The following RAP2A variants were observed in gnomAD, a reference collection of about 807,000 sequenced individuals.
RAP2A encodes ras-related protein Rap-2a.
Under a neutral mutation model 15.1 loss-of-function variants are expected in RAP2A, and 5 were observed. The observed-to-expected ratio is 0.33, with a 90% CI of 0.17 to 0.70. The LOEUF is 0.70. Ranked by LOEUF, RAP2A falls within the 30% of genes least tolerant of loss-of-function variation. RAP2A has a pLI of 0.68. For synonymous variants in RAP2A, 110 were observed against 99.7 expected (o/e 1.10, Z -0.62); for missense variants, 111 against 240.3 (o/e 0.46, Z 3.56).
chr13:97,445,133 T>G (rs1166716637), intron 1 of RAP2A, among the ~76,000 whole-genome samples: 7 of 152,200 alleles, frequency 4.6e-5, no homozygotes, highest in Non-Finnish European at 8.8e-5. Context: ...CTCTTCATTC[T>G]ATCACATTGG....
At chr13:97,452,163 G>T (rs1421066254) in intron 1 of RAP2A, among the ~76,000 whole-genome samples, 1 of 150,830 alleles carries the variant, frequency 6.6e-6, no homozygotes, top group Non-Finnish European at 1.5e-5. Context: ...TCTTTTTATG[G>T]TTAGTTCCTT....
chr13:97,436,506 A>C (rs1163293551), intron 1 of RAP2A, among the ~76,000 whole-genome samples: 1 of 152,218 alleles, frequency 6.6e-6, no homozygotes, highest in East Asian at 1.9e-4. Context: ...ATGAAGATGC[A>C]CATATACACT....
At chr13:97,444,298 CAT>C (rs1296368659) in intron 1 of RAP2A, among the ~76,000 whole-genome samples, 1 of 152,120 alleles carries the variant, frequency 6.6e-6, no homozygotes, top group African/African-American at 2.4e-5. Flanking sequence ...TTTTAGTACA[CAT>C]ATTTTAAATA....
intron 1 of RAP2A, among the ~76,000 whole-genome samples, chr13:97,439,034 C>T (rs1490797891): frequency 1.3e-5 from 2 of 152,004 alleles, no homozygotes; most frequent in African/African-American, 2.4e-5. Context: ...GTGTTTAATA[C>T]GAACCTCAAA....
chr13:97,448,965 A>G (rs1216260578), intron 1 of RAP2A, among the ~76,000 whole-genome samples: 2 of 152,120 alleles, frequency 1.3e-5, no homozygotes, highest in African/African-American at 4.8e-5. Context: ...GTGAGCCATC[A>G]TGCCAGCACA....
chr13:97,434,393 G>A lies in RAP2A; in HGVS notation c.-78G>A. On this transcript the variant is annotated 5_prime_UTR_variant, in exon 1 of 2. Coordinates refer to ENST00000245304, the MANE Select transcript of RAP2A (RefSeq NM_021033.7). ...GGAGGCGGCGGGGCGGGCCGCCGGG[G>A]CCGGGGCTGGGGGCGCAGCGCGGCC... 9.6e-7 allele frequency: 1 copy of A among 1,044,304 alleles called. No individual in the cohort carries two copies. The allele number at this position is 1,044,304 out of a possible 1,614,324, so 64.7% of individuals were successfully genotyped here. A position where few individuals can be genotyped will look rare whatever the true frequency, so the allele number is the denominator to read the frequency against.
At chr13:97,460,275 C>T (rs1263676153) in intron 1 of RAP2A, among the ~76,000 whole-genome samples, 1 of 152,166 alleles carries the variant, frequency 6.6e-6, no homozygotes. Flanking sequence ...GCCTGTTGGA[C>T]GTTATTCTTA....
intron 1 of RAP2A, among the ~76,000 whole-genome samples, chr13:97,443,643 C>G (rs1243354104): frequency 6.6e-6 from 1 of 152,244 alleles, no homozygotes; most frequent in Admixed American, 6.5e-5. Context: ...CCGACTACCT[C>G]AACTGCCCAA....
intron 1 of RAP2A, among the ~76,000 whole-genome samples, chr13:97,449,886 G>A (rs1467063066): frequency 6.6e-6 from 1 of 151,766 alleles, no homozygotes; most frequent in Non-Finnish European, 1.5e-5. Flanking sequence ...TTTATTGCTG[G>A]GCAGAAGAAA....
Position 97,467,326 on chromosome 13 carries a change from T to C in RAP2A, c.*2884T>C, listed in dbSNP as rs985471052. The stretch of plus-strand genomic sequence containing the variant: ...TTACATAAAATATTTTCTTAAACTA[T>C]TGAAAGGTGCTTTGATGATTTTCTC... On this transcript the variant is annotated 3_prime_UTR_variant, in exon 2 of 2. Transcript: ENST00000245304. 2 of 152,608 alleles carry C rather than the reference T, an allele frequency of 1.3e-5. No homozygotes were observed. The highest frequency in any genetic ancestry group is 6.5e-5 in the Admixed American group (1 of 15,284). 9.5% of individuals were successfully genotyped at this position (152,608 alleles called of 1,614,324 possible).
intron 1 of RAP2A, among the ~76,000 whole-genome samples, chr13:97,436,877 G>A (rs2066636426): frequency 6.6e-6 from 1 of 152,156 alleles, no homozygotes; most frequent in Middle Eastern, 3.2e-3. Flanking sequence ...CCTCACTTGT[G>A]TGTCTTTGTA....
chr13:97,445,616 G>A (rs2066676310), intron 1 of RAP2A, among the ~76,000 whole-genome samples: 1 of 152,110 alleles, frequency 6.6e-6, no homozygotes, highest in African/African-American at 2.4e-5. Flanking sequence ...AACTAGTTTT[G>A]GAGTGCTGTT....
rs1416463243 is a variant in RAP2A at position 97,468,002 on chromosome 13, G to A, written c.*3560G>A. 6.6e-6 allele frequency: 1 copy of A among 152,064 alleles called. No homozygotes were observed. The highest frequency in any genetic ancestry group is 1.9e-4 in the East Asian group (1 of 5,194). The allele number at this position is 152,064 out of a possible 1,614,324, so 9.4% of individuals were successfully genotyped here. ...ATTTATTTAATGAAACTCTGGATTT[G>A]CTTTGTTTTGTACATGCTCATGAGA... On this transcript the variant is annotated 3_prime_UTR_variant, in exon 2 of 2. Transcript: ENST00000245304.
intron 1 of RAP2A, among the ~76,000 whole-genome samples, chr13:97,452,668 ACAAC>A (rs2066707527): frequency 1.3e-5 from 2 of 148,656 alleles, no homozygotes; most frequent in African/African-American, 4.9e-5. Flanking sequence ...ACACACACAC[ACAAC>A]CAACGGAACC....
chr13:97,437,679 G>A (rs1053826514), intron 1 of RAP2A: 1 of 152,164 alleles, frequency 6.6e-6, no homozygotes, highest in African/African-American at 2.4e-5. Flanking sequence ...AAAAAGCAAT[G>A]AGGTTAAAAT....
rs140667614 is a variant in RAP2A, at chr13:97,434,844, G to T, written c.314+60G>T. 3.0e-4 allele frequency: 468 copies of T among 1,585,430 alleles called. 1 individual carries two copies. In the African/African-American group the frequency reaches 5.6e-3, roughly 19 times the overall value. ...CCCCGGAGTCACCGTCCCGGGGCTG[G>T]AACTCCCCGCGCGGGGCTCCGGGGA... On this transcript the variant is annotated intron_variant, in intron 1 of 1. Coordinates refer to ENST00000245304, the MANE Select transcript of RAP2A (RefSeq NM_021033.7).
At chr13:97,449,965 GT>G (rs897670375) in intron 1 of RAP2A, among the ~76,000 whole-genome samples, 2,766 of 144,200 alleles carry the variant, frequency 0.019, 61 homozygotes, top group African/African-American at 0.062. Flanking sequence ...AGTGTTTGGG[GT>G]TTTTTTTTTT....
rs767415353 is a variant in RAP2A, at chr13:97,466,476, A to G, written c.*2034A>G. The G allele has an allele frequency of 2.0e-5, 3 of 152,242 alleles. No homozygotes were observed. Among genetic ancestry groups the G allele is most frequent in the Non-Finnish European group, 4.4e-5 (3 of 68,038 alleles). 9.4% of individuals were successfully genotyped at this position (152,242 alleles called of 1,614,324 possible). A position where few individuals can be genotyped will look rare whatever the true frequency, so the allele number is the denominator to read the frequency against. ...TAGATTCAAGATATATGATTTCTCT[A>G]TGGAAATAAAAATATTTGTTAGTGA... On this transcript the variant is annotated 3_prime_UTR_variant, in exon 2 of 2. Coordinates refer to ENST00000245304, the MANE Select transcript of RAP2A (RefSeq NM_021033.7).
chr13:97,457,339 T>C (rs1290690399), intron 1 of RAP2A, among the ~76,000 whole-genome samples: 1 of 151,730 alleles, frequency 6.6e-6, no homozygotes, highest in Non-Finnish European at 1.5e-5. Flanking sequence ...CTGCTTATTT[T>C]AGCCAAAAAA....
Sources: gnomAD v4.1 joint callset for allele counts (sites outside exome capture counted in the v4.1 genomes callset) on GRCh38, gnomAD v4.1.1 for gene constraint, MANE v1.5 for transcripts, NCBI Gene and HGNC (gene_info 2026-07-23, HGNC 2026-07-21) for gene names.